Variants in KCNIP4 observed in about 807,000 individuals in gnomAD.
The protein encoded by KCNIP4 is Kv channel-interacting protein 4.
A neutral mutation model predicts 34.0 loss-of-function variants in KCNIP4; 12 were observed. The observed-to-expected ratio is 0.35, with a 90% confidence interval of 0.23 to 0.57. The LOEUF is 0.57. KCNIP4 is among the 20% of genes least tolerant of loss of function. KCNIP4 has a pLI of 0.83. For missense variants in KCNIP4, 238 were observed against 311.7 expected, an observed-to-expected ratio of 0.76 and a Z score of 1.78; for synonymous variants, 124 against 102.2, an observed-to-expected ratio of 1.21 and a Z score of -1.29.
At chr4:21,172,399 C>A (rs116513870) in intron 1 of KCNIP4, among the ~76,000 whole-genome samples, 2,790 of 152,184 alleles carry the variant, frequency 0.018, 53 homozygotes, top group Non-Finnish European at 0.026. Context: ...TAGAAAGTAA[C>A]CTTATTTTAC....
chr4:20,784,828 A>G (rs1052806806), intron 3 of KCNIP4, among the ~76,000 whole-genome samples: 2 of 152,188 alleles, frequency 1.3e-5, no homozygotes, highest in East Asian at 1.9e-4. Flanking sequence ...ATTACGGTTC[A>G]TCACAGAAGG....
intron 1 of KCNIP4, among the ~76,000 whole-genome samples, chr4:21,798,761 GT>G (rs1413933271): frequency 6.6e-6 from 1 of 151,894 alleles, no homozygotes; most frequent in Non-Finnish European, 1.5e-5. Flanking sequence ...CTATCTGAAA[GT>G]TTTGTATTCC....
At chr4:21,430,629 GT>G (rs1224917492) in intron 1 of KCNIP4, among the ~76,000 whole-genome samples, 1 of 152,138 alleles carries the variant, frequency 6.6e-6, no homozygotes, top group African/African-American at 2.4e-5. Flanking sequence ...TTTAGGGTAT[GT>G]CAACTGTTCT....
At chr4:21,755,642 C>T (rs894556211) in intron 1 of KCNIP4, among the ~76,000 whole-genome samples, 1 of 152,116 alleles carries the variant, frequency 6.6e-6, no homozygotes, top group Non-Finnish European at 1.5e-5. Context: ...TTTATTTAGA[C>T]ATAACTAATG....
At chr4:21,090,553 A>G (rs1746906692) in intron 1 of KCNIP4, among the ~76,000 whole-genome samples, 1 of 152,232 alleles carries the variant, frequency 6.6e-6, no homozygotes, top group Non-Finnish European at 1.5e-5. Context: ...GGTACTACTT[A>G]AGAAAAATAG....
chr4:21,141,396 C>T (rs917368347), intron 1 of KCNIP4, among the ~76,000 whole-genome samples: 7 of 151,704 alleles, frequency 4.6e-5, no homozygotes, highest in African/African-American at 1.7e-4. Context: ...ATAACAAGTA[C>T]TAAGATAAAA....
chr4:21,729,806 A>C (rs1715458743), intron 1 of KCNIP4: 1 of 152,220 alleles, frequency 6.6e-6, no homozygotes, highest in African/African-American at 2.4e-5. Flanking sequence ...TGAATCTTTT[A>C]CAAAACATAA....
At chr4:20,798,498 CACACACACACACACAG>C (rs1713776915) in intron 3 of KCNIP4, among the ~76,000 whole-genome samples, 1 of 140,530 alleles carries the variant, frequency 7.1e-6, no homozygotes, top group African/African-American at 3.0e-5. Flanking sequence ...TTCTTTCTAC[CACACACACACACACAG>C]ACACACACAT....
rs962160646 is a variant in KCNIP4 at position 20,888,230 on chromosome 4, G to A, written c.62-5521C>T. Among the ~76,000 whole-genome samples the A allele has an allele frequency of 2.0e-5, 3 of 152,068 alleles. No homozygotes were observed. The East Asian group carries it at 5.8e-4, about 29-fold the overall frequency. ...GTAGAAAATACATAAGATAGTAAATGTATACCCCACCATATAATTAAATCA... is the reference window on the plus strand; with the variant it reads ...GTAGAAAATACATAAGATAGTAAATATATACCCCACCATATAATTAAATCA... On this transcript the variant is annotated intron_variant, in intron 1 of 8. Coordinates refer to ENST00000382152, the MANE Select transcript of KCNIP4 (RefSeq NM_025221.6).
intron 1 of KCNIP4, among the ~76,000 whole-genome samples, chr4:21,012,582 A>G (rs758382296): frequency 6.6e-6 from 1 of 152,148 alleles, no homozygotes; most frequent in Non-Finnish European, 1.5e-5. Context: ...AAAGCAAAAC[A>G]AAACAAAACA....
intron 1 of KCNIP4, among the ~76,000 whole-genome samples, chr4:21,626,207 TA>T (rs1745309507): frequency 6.6e-6 from 1 of 152,198 alleles, no homozygotes; most frequent in African/African-American, 2.4e-5. Context: ...AGGAAGTTGT[TA>T]TAGAATGAAT....
chr4:21,200,465 A>G (rs1041973867), intron 1 of KCNIP4, among the ~76,000 whole-genome samples: 1 of 151,524 alleles, frequency 6.6e-6, no homozygotes, highest in Non-Finnish European at 1.5e-5. Context: ...GCCATAAAAA[A>G]GAATAAAATA....
chr4:21,340,951 T>G (rs1253684486), intron 1 of KCNIP4, among the ~76,000 whole-genome samples: 1 of 152,172 alleles, frequency 6.6e-6, no homozygotes. Flanking sequence ...AACCTCAGAA[T>G]GTGACCTTAT....
At chr4:21,425,814 C>T (rs1236366239) in intron 1 of KCNIP4, among the ~76,000 whole-genome samples, 1 of 152,114 alleles carries the variant, frequency 6.6e-6, no homozygotes, top group African/African-American at 2.4e-5. Flanking sequence ...CTTTGGGAGG[C>T]CGAGGCAGTC....
chr4:21,325,233 T>C (rs1714915741), intron 1 of KCNIP4, among the ~76,000 whole-genome samples: 1 of 151,836 alleles, frequency 6.6e-6, no homozygotes. Flanking sequence ...CAGTGGGTCC[T>C]GGGTTTTTTT....
At chr4:21,155,467 G>A (rs574281784) in intron 1 of KCNIP4, among the ~76,000 whole-genome samples, 1 of 152,176 alleles carries the variant, frequency 6.6e-6, no homozygotes, top group Non-Finnish European at 1.5e-5. Flanking sequence ...ATGGAAAGAC[G>A]TTTTGATAAA....
chr4:21,298,211 G>A (rs1560266925), intron 1 of KCNIP4, among the ~76,000 whole-genome samples: 1 of 152,014 alleles, frequency 6.6e-6, no homozygotes, highest in South Asian at 2.1e-4. Context: ...CTTGTACTCT[G>A]TTCTCAATAA....
At chr4:20,903,973 G>A (rs574400296) in intron 1 of KCNIP4, among the ~76,000 whole-genome samples, 3 of 152,178 alleles carry the variant, frequency 2.0e-5, no homozygotes, top group East Asian at 1.9e-4. Flanking sequence ...GTGGTGCCTG[G>A]CTCTACTTGA....
chr4:21,138,805 C>T (rs529636195), intron 1 of KCNIP4, among the ~76,000 whole-genome samples: 6 of 152,024 alleles, frequency 3.9e-5, no homozygotes, highest in African/African-American at 1.4e-4. Flanking sequence ...AAGACTCGGC[C>T]GCCATGGCTG....
Sources: gnomAD v4.1 joint callset for allele counts (sites outside exome capture counted in the v4.1 genomes callset) on GRCh38, gnomAD v4.1.1 for gene constraint, MANE v1.5 for transcripts, NCBI Gene and HGNC (gene_info 2026-07-23, HGNC 2026-07-21) for gene names.